Variants in LYST observed in about 807,000 individuals in gnomAD.
LYST encodes the protein lysosomal trafficking regulator, also known as lysosomal-trafficking regulator.
In LYST, 192 loss-of-function variants were observed where a neutral mutation model predicts 413.6. The ratio of observed to expected loss-of-function variants is 0.46; its 90% CI spans 0.41 to 0.52. The LOEUF is 0.52. Among genes scored for constraint, LYST ranks in the 20% least tolerant of loss-of-function variants. LYST has a pLI of 0.00. For synonymous variants in LYST, 1,525 were observed against 1,567.3 expected (o/e 0.97, Z 0.64); for missense variants, 3,815 against 4,499.9 (o/e 0.85, Z 4.35).
intron 19 of LYST, among the ~76,000 whole-genome samples, chr1:235,772,558 A>C (rs532226148): frequency 6.6e-6 from 1 of 152,280 alleles, no homozygotes; most frequent in South Asian, 2.1e-4. Context: ...CCCTATACTC[A>C]TTCCCTGACT....
intron 1 of LYST, among the ~76,000 whole-genome samples, chr1:235,872,726 C>A (rs1482820840): frequency 6.6e-6 from 1 of 152,032 alleles, no homozygotes; most frequent in Non-Finnish European, 1.5e-5. Context: ...ACCAGCCTGG[C>A]CAACATGGTG....
intron 28 of LYST, among the ~76,000 whole-genome samples, chr1:235,747,001 G>T (rs1665990420): frequency 6.6e-6 from 1 of 152,180 alleles, no homozygotes; most frequent in Non-Finnish European, 1.5e-5. Flanking sequence ...GTAGAAATCA[G>T]TCAATGAAAG....
chr1:235,863,886 T>C (rs2103187772), intron 1 of LYST, among the ~76,000 whole-genome samples: 1 of 152,362 alleles, frequency 6.6e-6, no homozygotes, highest in East Asian at 1.9e-4. Flanking sequence ...GAGGCCCATC[T>C]GTGCACTTCC....
intron 48 of LYST, among the ~76,000 whole-genome samples, chr1:235,684,555 T>G (rs1400306707): frequency 6.6e-6 from 1 of 152,182 alleles, no homozygotes; most frequent in Non-Finnish European, 1.5e-5. Context: ...CCTTTGGGAA[T>G]CAAAAGGTGA....
At position 235,677,572 on chromosome 1, in the gene LYST, T is replaced by C. The variant is rs368343984; in HGVS notation, c.10848A>G (p.Thr3616=). 76 of 1,612,140 alleles carry C rather than the reference T, an allele frequency of 4.7e-5. No individual in the cohort carries two copies. Among genetic ancestry groups the C allele is most frequent in the Non-Finnish European group, 6.1e-5 (72 of 1,178,428 alleles). The change falls in exon 49 of 53, where the codon ACA becomes ACG. Residue 3616 remains threonine (T), a synonymous_variant. Coordinates refer to ENST00000389793, the MANE Select transcript of LYST (RefSeq NM_000081.4). ...AAACAAATAAGCTGGTTATCTCTTC[T>C]GTGTGACCATAGAGATGTATTTGAG... ...METQIHLYGH[T]EEITSLFVCK...
rs1236185356 is a variant in LYST at position 235,662,716 on chromosome 1, G to A, written c.*224C>T. On this transcript the variant is annotated 3_prime_UTR_variant, in exon 53 of 53. Transcript: ENST00000389793. ...TGCGAGGCTTAAAACTTGTTGGCTAGTGCATATTGACACAATCTTCCAGAT... is the reference window on the plus strand; with the variant it reads ...TGCGAGGCTTAAAACTTGTTGGCTAATGCATATTGACACAATCTTCCAGAT... 4 of 591,892 alleles carry A rather than the reference G, an allele frequency of 6.8e-6. No homozygotes were observed. The highest frequency in any genetic ancestry group is 1.2e-5 in the Non-Finnish European group (4 of 326,534). The allele number at this position is 591,892 out of a possible 1,614,324, so 36.7% of individuals were successfully genotyped here.
At chr1:235,726,746 A>G (rs1468291622) in intron 38 of LYST, among the ~76,000 whole-genome samples, 1 of 152,236 alleles carries the variant, frequency 6.6e-6, no homozygotes, top group Non-Finnish European at 1.5e-5. Flanking sequence ...CAGACCAAGT[A>G]TTTGTGAATG....
At chr1:235,673,452 A>G (rs1659126615) in intron 50 of LYST, among the ~76,000 whole-genome samples, 1 of 152,016 alleles carries the variant, frequency 6.6e-6, no homozygotes, top group South Asian at 2.1e-4. Flanking sequence ...TCCCCAATTT[A>G]TGTTCTCAAT....
chr1:235,881,552 C>T (rs1263989736), intron 1 of LYST, among the ~76,000 whole-genome samples: 1 of 151,872 alleles, frequency 6.6e-6, no homozygotes, highest in Non-Finnish European at 1.5e-5. Flanking sequence ...TTCATAAAAG[C>T]CAAAGGGGAA....
intron 44 of LYST, among the ~76,000 whole-genome samples, chr1:235,705,420 C>T (rs776913708): frequency 7.9e-5 from 12 of 152,144 alleles, no homozygotes; most frequent in Non-Finnish European, 1.5e-4. Flanking sequence ...GGGTCTTGCT[C>T]TGTCAACCAG....
At chr1:235,830,561 T>C in intron 2 of LYST, 137 bp from the exon 3 acceptor site, 1 of 696,394 alleles carries the variant, frequency 1.4e-6, no homozygotes, top group South Asian at 1.9e-5. Flanking sequence ...AACCCTATAA[T>C]ATTTTCAGGC....
At chr1:235,808,364 C>A (rs1047227707) in intron 5 of LYST, 91 bp downstream of exon 5, 2 of 1,214,066 alleles carry the variant, frequency 1.6e-6, no homozygotes, top group South Asian at 1.4e-5. Flanking sequence ...TAAATGCATA[C>A]AATTTATCAC....
At chr1:235,705,763 T>C (rs1215132743) in intron 44 of LYST, among the ~76,000 whole-genome samples, 1 of 151,984 alleles carries the variant, frequency 6.6e-6, no homozygotes, top group Admixed American at 6.6e-5. Flanking sequence ...AAGGGTATAA[T>C]GAAGTTAATG....
chr1:235,712,174 T>A lies in LYST; in HGVS notation c.9808A>T (p.Arg3270Ter). 6.3e-7 allele frequency: 1 copy of A among 1,584,448 alleles called. No individual in the cohort carries two copies. The highest frequency in any genetic ancestry group is 8.6e-7 in the Non-Finnish European group (1 of 1,161,142). The change falls in exon 43 of 53, where the codon AGA becomes TGA. Residue 3270 changes from arginine to a stop codon, truncating the protein, a stop_gained. Coordinates refer to ENST00000389793, the MANE Select transcript of LYST (RefSeq NM_000081.4). LOFTEE classifies it high-confidence loss of function. ...YQDQSFDIPD[R>*]TFHSTNTTWR... ...GTTGTATTTGTAGAATGAAAAGTTC[T>A]GTCTGGAATGTCAAAACTTTGATCT...
At position 235,734,832 on chromosome 1, in the gene LYST, A is replaced by G. The variant is rs540402066; in HGVS notation, c.8359-173T>C. The G allele has an allele frequency of 3.1e-5, 16 of 514,736 alleles. No homozygotes were observed. In the South Asian group the frequency reaches 4.9e-4, roughly 16 times the overall value. The allele number at this position is 514,736 out of a possible 1,614,324, so 31.9% of individuals were successfully genotyped here. A position where few individuals can be genotyped will look rare whatever the true frequency, so the allele number is the denominator to read the frequency against. On this transcript the variant is annotated intron_variant, in intron 31 of 52. Coordinates refer to ENST00000389793, the MANE Select transcript of LYST (RefSeq NM_000081.4). ...ACAGAAATCTGATTATGCACTGAGT[A>G]TTTGATGACAGAGGATTAATGCTAA...
chr1:235,800,003 C>T (rs1356638433), intron 10 of LYST, among the ~76,000 whole-genome samples: 2 of 112,090 alleles, frequency 1.8e-5, no homozygotes, highest in Middle Eastern at 8.9e-3. Context: ...GTCACCCAGA[C>T]TGGAGTGCAG....
intron 3 of LYST, among the ~76,000 whole-genome samples, chr1:235,815,200 C>T (rs1486707290): frequency 1.3e-5 from 2 of 152,142 alleles, no homozygotes; most frequent in African/African-American, 4.8e-5. Context: ...TTTCTTGATC[C>T]CCCTACTAAA....
intron 3 of LYST, among the ~76,000 whole-genome samples, chr1:235,817,706 T>G (rs1420846969): frequency 1.3e-5 from 2 of 152,114 alleles, no homozygotes; most frequent in African/African-American, 4.8e-5. Context: ...CACTGGGGCC[T>G]CTTTCAGGAT....
At chr1:235,819,221 C>T (rs1674489579) in intron 3 of LYST, among the ~76,000 whole-genome samples, 1 of 152,174 alleles carries the variant, frequency 6.6e-6, no homozygotes, top group Non-Finnish European at 1.5e-5. Context: ...CAATTTCAAA[C>T]ACAATTCATC....
Sources: gnomAD v4.1 joint callset for allele counts (sites outside exome capture counted in the v4.1 genomes callset) on GRCh38, gnomAD v4.1.1 for gene constraint, MANE v1.5 for transcripts, NCBI Gene and HGNC (gene_info 2026-07-23, HGNC 2026-07-21) for gene names.